GABRG3: variants seen among roughly 807,000 people sequenced by gnomAD.
The protein encoded by GABRG3 is gamma-aminobutyric acid receptor subunit gamma-3.
GABRG3 carries 25 observed loss-of-function variants against 48.8 expected under a neutral mutation model. That is an observed-to-expected ratio of 0.51 (90% CI 0.37 to 0.72). The LOEUF is 0.72. GABRG3 is among the 30% of genes least tolerant of loss of function. The pLI is 0.00. For synonymous variants in GABRG3, 227 were observed against 217.6 expected (o/e 1.04, Z -0.38); for missense variants, 394 against 577.9 (o/e 0.68, Z 3.26).
At position 27,362,018 on chromosome 15, in the gene GABRG3, C is replaced by T. The variant is rs1489029778; in HGVS notation, c.574+33130C>T. On this transcript the variant is annotated intron_variant, in intron 5 of 9. Transcript: ENST00000615808. The stretch of plus-strand genomic sequence containing the variant: ...TATACATGTATATCTTGCCCACACA[C>T]GCTCATGATGTTTTCCTAGTTCTGG... Among the ~76,000 whole-genome samples, 5 of 152,322 alleles carry T rather than the reference C, an allele frequency of 3.3e-5. 1 individual carries two copies. The highest frequency in any genetic ancestry group is 2.6e-4 in the Admixed American group (4 of 15,304).
rs556942797 is a variant in GABRG3, at chr15:27,021,894, A to G, written c.203-4860A>G. On this transcript the variant is annotated intron_variant, in intron 2 of 9. Coordinates refer to ENST00000615808, the MANE Select transcript of GABRG3 (RefSeq NM_033223.5). ...AAGTTTAAAAATTTGCATGAGAACTATCTTTTGTAAGAGATATTAATCAAA... is the reference window on the plus strand; with the variant it reads ...AAGTTTAAAAATTTGCATGAGAACTGTCTTTTGTAAGAGATATTAATCAAA... 3.1e-4 allele frequency among the ~76,000 whole-genome samples: 47 copies of G among 152,312 alleles called. 1 individual carries two copies. The highest frequency in any genetic ancestry group is 1.0e-3 in the African/African-American group (42 of 41,570).
intron 3 of GABRG3, among the ~76,000 whole-genome samples, chr15:27,264,780 ATCTTAAT>A (rs895909432): frequency 3.9e-5 from 6 of 152,048 alleles, no homozygotes; most frequent in African/African-American, 1.4e-4. Context: ...AAACAAAAAA[ATCTTAAT>A]TCTTAATTCT....
intron 3 of GABRG3, among the ~76,000 whole-genome samples, chr15:27,043,871 C>A (rs2140702197): frequency 6.6e-6 from 1 of 152,322 alleles, no homozygotes; most frequent in South Asian, 2.1e-4. Context: ...CTGCAGTCCT[C>A]CCGAGGCTGG....
chr15:27,356,607 T>TTAG (rs1894851560), intron 5 of GABRG3, among the ~76,000 whole-genome samples: 1 of 152,176 alleles, frequency 6.6e-6, no homozygotes, highest in Admixed American at 6.5e-5. Flanking sequence ...GATTTAATCC[T>TTAG]ATAAGTCTAA....
intron 3 of GABRG3, among the ~76,000 whole-genome samples, chr15:27,177,031 A>T (rs1238433436): frequency 6.6e-6 from 1 of 152,188 alleles, no homozygotes; most frequent in African/African-American, 2.4e-5. Flanking sequence ...AGGACAAGAG[A>T]TATTTTTATA....
chr15:27,144,946 G>C (rs1047772541), intron 3 of GABRG3, among the ~76,000 whole-genome samples: 3 of 152,096 alleles, frequency 2.0e-5, no homozygotes, highest in Non-Finnish European at 2.9e-5. Flanking sequence ...AAAGAATACA[G>C]CCTTTACAGA....
intron 5 of GABRG3, chr15:27,350,139 C>T (rs555757791): frequency 2.2e-6 from 1 of 456,010 alleles, no homozygotes; most frequent in Admixed American, 2.3e-5. Flanking sequence ...ACCATCTTGG[C>T]CTTCAGATTG....
chr15:27,068,146 C>T (rs188160786), intron 3 of GABRG3, among the ~76,000 whole-genome samples: 3 of 152,366 alleles, frequency 2.0e-5, no homozygotes, highest in Non-Finnish European at 4.4e-5. Flanking sequence ...TCCAAGCTAC[C>T]AGAGAGATCT....
chr15:27,289,529 A>G (rs777183343), intron 3 of GABRG3, among the ~76,000 whole-genome samples: 20 of 152,338 alleles, frequency 1.3e-4, no homozygotes, highest in Non-Finnish European at 2.4e-4. Context: ...TGTCCTAGCT[A>G]TCTGCAAATG....
At chr15:27,066,998 TC>T in intron 3 of GABRG3, among the ~76,000 whole-genome samples, 1 of 152,316 alleles carries the variant, frequency 6.6e-6, no homozygotes, top group African/African-American at 2.4e-5. Flanking sequence ...TACTAGCTTC[TC>T]TCTGGCCAAG....
intron 3 of GABRG3, among the ~76,000 whole-genome samples, chr15:27,239,412 C>A (rs546724479): frequency 2.6e-5 from 4 of 152,090 alleles, no homozygotes; most frequent in African/African-American, 9.7e-5. Flanking sequence ...GAAGAATATT[C>A]GCTAAATATT....
chr15:27,351,064 G>A (rs2140536159), intron 5 of GABRG3, among the ~76,000 whole-genome samples: 1 of 150,812 alleles, frequency 6.6e-6, no homozygotes, highest in South Asian at 2.1e-4. Flanking sequence ...GTGTGTGTGT[G>A]TGTATGGTAT....
At chr15:27,500,298 G>A (rs1890589253) in intron 6 of GABRG3, among the ~76,000 whole-genome samples, 1 of 152,098 alleles carries the variant, frequency 6.6e-6, no homozygotes, top group African/African-American at 2.4e-5. Flanking sequence ...TAGAGGCCCG[G>A]TTCACAGCAG....
chr15:27,259,053 A>G (rs1304457637), intron 3 of GABRG3, among the ~76,000 whole-genome samples: 2 of 152,146 alleles, frequency 1.3e-5, no homozygotes, highest in Non-Finnish European at 2.9e-5. Flanking sequence ...AGACTCATCC[A>G]TGTTGCTGCA....
At chr15:27,199,064 C>A (rs1888599176) in intron 3 of GABRG3, among the ~76,000 whole-genome samples, 1 of 152,028 alleles carries the variant, frequency 6.6e-6, no homozygotes, top group Non-Finnish European at 1.5e-5. Flanking sequence ...TTGATGGGTG[C>A]AGCAAACCAC....
chr15:27,157,464 T>C (rs1394431116), intron 3 of GABRG3, among the ~76,000 whole-genome samples: 1 of 152,206 alleles, frequency 6.6e-6, no homozygotes, highest in Non-Finnish European at 1.5e-5. Context: ...CCTTCCCGTA[T>C]TTCATATGCC....
intron 3 of GABRG3, among the ~76,000 whole-genome samples, chr15:27,071,949 G>C (rs1177606952): frequency 6.6e-6 from 1 of 152,224 alleles, no homozygotes; most frequent in Non-Finnish European, 1.5e-5. Flanking sequence ...CAGGCTGGAA[G>C]ATAGATCAGG....
chr15:27,465,976 G>A (rs8038611), intron 5 of GABRG3, among the ~76,000 whole-genome samples: 57,861 of 152,000 alleles, frequency 0.38, 14,325 homozygotes, highest in African/African-American at 0.69. Flanking sequence ...CCACCCTGTT[G>A]TATTTTAAAA....
chr15:27,098,579 G>A (rs1391287807), intron 3 of GABRG3, among the ~76,000 whole-genome samples: 1 of 152,078 alleles, frequency 6.6e-6, no homozygotes, highest in African/African-American at 2.4e-5. Flanking sequence ...TAAATAAGAA[G>A]TTTGACAGTT....
Sources: gnomAD v4.1 joint callset for allele counts (sites outside exome capture counted in the v4.1 genomes callset) on GRCh38, gnomAD v4.1.1 for gene constraint, MANE v1.5 for transcripts, NCBI Gene and HGNC (gene_info 2026-07-23, HGNC 2026-07-21) for gene names.